The following TENM2 variants were observed in gnomAD, a reference collection of about 807,000 sequenced individuals.
The protein encoded by TENM2 is teneurin-2.
Under a neutral mutation model 245.2 loss-of-function variants are expected in TENM2, and 52 were observed. The observed-to-expected ratio is 0.21, with a 90% confidence interval of 0.17 to 0.27. TENM2 has a LOEUF of 0.27. Ranked by LOEUF, TENM2 falls within the 10% of genes least tolerant of loss-of-function variation. The probability of loss-of-function intolerance (pLI) is 1.00; values close to 1 mark genes in which losing one functional copy is unlikely to be tolerated. For synonymous variants in TENM2, 1,363 were observed against 1,438.9 expected (o/e 0.95, Z 1.19); for missense variants, 3,046 against 3,666.8 (o/e 0.83, Z 4.37).
At chr5:167,331,591 T>C (rs573311699) in intron 1 of TENM2, among the ~76,000 whole-genome samples, 1 of 152,204 alleles carries the variant, frequency 6.6e-6, no homozygotes, top group South Asian at 2.1e-4. Context: ...CTTTTCTTTG[T>C]TGGGCGCGAA....
chr5:168,107,489 A>G (rs1341616934), intron 9 of TENM2, among the ~76,000 whole-genome samples: 1 of 152,098 alleles, frequency 6.6e-6, no homozygotes, highest in East Asian at 1.9e-4. Flanking sequence ...TTTCTCCCCC[A>G]TGCCAGCCAA....
At chr5:167,101,849 T>TTATATATATATATATATATATATA in the TENM2 span, among the ~76,000 whole-genome samples, 1,054 of 68,906 alleles carry the variant, frequency 0.015, 39 homozygotes, top group South Asian at 0.032. Context: ...ATATATATAT[T>TTATATATATATATATATATATATA]TATATATATA....
chr5:167,981,915 C>T (rs1434128511), intron 4 of TENM2, among the ~76,000 whole-genome samples: 1 of 148,652 alleles, frequency 6.7e-6, no homozygotes, highest in African/African-American at 2.5e-5. Context: ...CGGAGGTTGC[C>T]ATGAGCTGAC....
chr5:168,203,682 C>G lies in TENM2; in HGVS notation c.3431-7C>G. 6.3e-7 allele frequency: 1 copy of G among 1,596,362 alleles called. No individual in the cohort carries two copies. ...TCTCACTCTGCCCCACCCCTTTTAT[C>G]TTTCAGTGTCTGTCGGGTTTGAATA... On this transcript the variant is annotated splice_region_variant and splice_polypyrimidine_tract_variant and intron_variant, in intron 17 of 28. Transcript: ENST00000518659.
chr5:167,682,120 C>CCTGCCTG (rs1561667555), intron 2 of TENM2, among the ~76,000 whole-genome samples: 67 of 122,074 alleles, frequency 5.5e-4, no homozygotes, highest in African/African-American at 2.1e-3. Flanking sequence ...CTCCCTCCCT[C>CCTGCCTG]CCTCCCTGCC....
chr5:168,223,553 C>T (rs545512620), intron 23 of TENM2, among the ~76,000 whole-genome samples: 5 of 150,904 alleles, frequency 3.3e-5, no homozygotes, highest in East Asian at 1.9e-4. Context: ...CTGCAGCCTC[C>T]GCCTCCCAGG....
intron 2 of TENM2, among the ~76,000 whole-genome samples, chr5:167,661,718 G>C (rs1026133101): frequency 6.6e-6 from 1 of 151,730 alleles, no homozygotes; most frequent in Non-Finnish European, 1.5e-5. Flanking sequence ...TCACCTCCGA[G>C]CGCAGGGGTA....
chr5:167,932,761 T>C (rs1272254263), intron 3 of TENM2, among the ~76,000 whole-genome samples: 1 of 152,096 alleles, frequency 6.6e-6, no homozygotes, highest in East Asian at 1.9e-4. Flanking sequence ...CTCTATCACA[T>C]ATTCTTCTTT....
intron 3 of TENM2, among the ~76,000 whole-genome samples, chr5:167,886,802 T>C (rs1774326891): frequency 1.3e-5 from 2 of 152,178 alleles, no homozygotes; most frequent in Admixed American, 1.3e-4. Flanking sequence ...CCCAAAATAG[T>C]AGCTGTTTAC....
chr5:168,240,624 C>T (rs1765998748), intron 25 of TENM2, among the ~76,000 whole-genome samples: 1 of 133,602 alleles, frequency 7.5e-6, no homozygotes, highest in African/African-American at 3.0e-5. Flanking sequence ...GTTTTTCTTC[C>T]TTGTATACCA....
chr5:167,418,625 A>G (rs1165150065), intron 2 of TENM2, among the ~76,000 whole-genome samples: 1 of 152,180 alleles, frequency 6.6e-6, no homozygotes, highest in Non-Finnish European at 1.5e-5. Flanking sequence ...ACCAACAGGA[A>G]GATATGGAGA....
intron 12 of TENM2, among the ~76,000 whole-genome samples, chr5:168,140,718 CT>C (rs548080313): frequency 6.4e-4 from 98 of 152,286 alleles, no homozygotes; most frequent in African/African-American, 2.3e-3. Flanking sequence ...TTCTGGATAC[CT>C]GTATTTTGCT....
chr5:167,155,089 AT>A, the TENM2 span, among the ~76,000 whole-genome samples: 7 of 152,200 alleles, frequency 4.6e-5, no homozygotes, highest in Non-Finnish European at 1.0e-4. Context: ...TCGTTGTGTA[AT>A]GGGGCAAGTT....
the TENM2 span, among the ~76,000 whole-genome samples, chr5:167,224,945 TTTA>T: frequency 6.6e-6 from 1 of 152,016 alleles, no homozygotes. Flanking sequence ...TCCTAAGTAT[TTTA>T]TTATTTTTCA....
the TENM2 span, among the ~76,000 whole-genome samples, chr5:167,017,806 A>G: frequency 6.6e-6 from 1 of 152,194 alleles, no homozygotes; most frequent in East Asian, 1.9e-4. Flanking sequence ...GCGTGATGCC[A>G]TAGCATTCTT....
At chr5:168,255,793 T>A (rs1422758597) in intron 27 of TENM2, among the ~76,000 whole-genome samples, 9 of 152,220 alleles carry the variant, frequency 5.9e-5, no homozygotes, top group Non-Finnish European at 1.2e-4. Context: ...ATAAAATTTA[T>A]TTTTTATTTA....
chr5:168,224,586 G>A (rs951763470), intron 23 of TENM2, among the ~76,000 whole-genome samples: 6 of 152,212 alleles, frequency 3.9e-5, no homozygotes, highest in East Asian at 1.9e-4. Context: ...AGGCCACAGC[G>A]GTCCTTTCCA....
At chr5:167,230,218 G>A in the TENM2 span, among the ~76,000 whole-genome samples, 1 of 152,114 alleles carries the variant, frequency 6.6e-6, no homozygotes, top group East Asian at 1.9e-4. Context: ...TTAGTCTCAG[G>A]GCCTGGGAAG....
intron 2 of TENM2, among the ~76,000 whole-genome samples, chr5:167,576,198 C>T (rs952645673): frequency 6.6e-6 from 1 of 152,176 alleles, no homozygotes; most frequent in Non-Finnish European, 1.5e-5. Flanking sequence ...TCATTGTAAA[C>T]TGGATTGTAG....
Sources: gnomAD v4.1 joint callset for allele counts (sites outside exome capture counted in the v4.1 genomes callset) on GRCh38, gnomAD v4.1.1 for gene constraint, MANE v1.5 for transcripts, NCBI Gene and HGNC (gene_info 2026-07-23, HGNC 2026-07-21) for gene names.